The following SIGLEC9 variants were observed in gnomAD, a reference collection of about 807,000 sequenced individuals.
The protein encoded by SIGLEC9 is sialic acid binding Ig like lectin 9, also known as sialic acid-binding Ig-like lectin 9.
Under a neutral mutation model 38.3 loss-of-function variants are expected in SIGLEC9, and 26 were observed. The observed-to-expected ratio is 0.68, with a 90% CI of 0.50 to 0.94. SIGLEC9 has a LOEUF of 0.94. Ranked by LOEUF, SIGLEC9 falls within the 40% of genes least tolerant of loss-of-function variation. The pLI, the probability that SIGLEC9 is intolerant of heterozygous loss-of-function variation, is 0.00. For synonymous variants in SIGLEC9, 236 were observed against 248.0 expected (o/e 0.95, Z 0.45); for missense variants, 556 against 585.7 (o/e 0.95, Z 0.52).
At chr19:51,131,179 T>C (rs537257847), downstream of SIGLEC9, among the ~76,000 whole-genome samples, 1 of 152,328 alleles carries the variant, frequency 6.6e-6, no homozygotes, top group African/African-American at 2.4e-5. Flanking sequence ...CTTTATGCAG[T>C]AGCCCTGATA....
upstream of SIGLEC9, among the ~76,000 whole-genome samples, chr19:51,124,268 T>C (rs556478709): frequency 1.4e-4 from 22 of 152,208 alleles, no homozygotes; most frequent in African/African-American, 5.3e-4. Context: ...TATCAACACA[T>C]AGAATCCTCA....
chr19:51,125,868 C>T lies in SIGLEC9; in HGVS notation c.693C>T (p.Asn231=), dbSNP rs143035840. 1.9e-4 allele frequency: 313 copies of T among 1,614,116 alleles called. 1 individual carries two copies. The African/African-American group carries it at 3.5e-3, about 18-fold the overall frequency. ...CCACGAACAAGACCGTCCATCTCAA[C>T]GTGTCCTGTGAGTGCTGGGCCGGGA... ...SVTTNKTVHL[N]VSYPPQNLTM... The change falls in exon 2 of 7, where the codon AAC becomes AAT. Residue 231 remains asparagine, a synonymous_variant. Coordinates refer to ENST00000250360, the MANE Select transcript of SIGLEC9 (RefSeq NM_014441.3).
downstream of SIGLEC9, among the ~76,000 whole-genome samples, chr19:51,132,234 T>G (rs2092020092): frequency 6.6e-6 from 1 of 152,110 alleles, no homozygotes; most frequent in Non-Finnish European, 1.5e-5. Flanking sequence ...CCACCATGAG[T>G]GGAAGCTTCC....
chr19:51,125,763 G>A lies in SIGLEC9; in HGVS notation c.588G>A (p.Ser196=), dbSNP rs146360536. ...TGGACCCCTCCACCACCCGCTCCTC[G>A]GTGCTCACCCTCATCCCACAGCCCC... ...SPLDPSTTRS[S]VLTLIPQPQD... Residue 196 remains serine, a synonymous_variant, in exon 2 of 7, where the codon TCG becomes TCA. Coordinates refer to ENST00000250360, the MANE Select transcript of SIGLEC9 (RefSeq NM_014441.3). 1,532 of 1,613,980 alleles carry A rather than the reference G, an allele frequency of 9.5e-4. 4 individuals are homozygous for A. Among genetic ancestry groups the A allele is most frequent in the Middle Eastern group, 1.7e-3 (10 of 6,060 alleles).
At chr19:51,128,573 C>A (rs999881430) in intron 6 of SIGLEC9, 63 bp downstream of exon 6, 2 of 1,453,310 alleles carry the variant, frequency 1.4e-6, no homozygotes, top group South Asian at 2.3e-5. Context: ...GGATGACCCC[C>A]AGGACTAATC....
At chr19:51,126,245 C>A in intron 3 of SIGLEC9, 117 bp downstream of exon 3, 1 of 1,000,712 alleles carries the variant, frequency 1.0e-6, no homozygotes, top group Non-Finnish European at 1.6e-6. Context: ...TGTGGGTGAA[C>A]TCAGGGCCCC....
chr19:51,134,147 CTTTTTTTTTT>C (rs71185802), downstream of SIGLEC9, among the ~76,000 whole-genome samples: 1,495 of 66,550 alleles, frequency 0.022, 34 homozygotes, highest in African/African-American at 0.079. Context: ...TCTTTCTTTT[CTTTTTTTTTT>C]TTTTTTTTTT....
chr19:51,124,881 A>T, upstream of SIGLEC9: 2 of 1,490,960 alleles, frequency 1.3e-6, no homozygotes, highest in East Asian at 4.6e-5. Flanking sequence ...GTCTTCCTGT[A>T]GGGCCTCCTC....
At chr19:51,134,193 G>A (rs1382461862), downstream of SIGLEC9, among the ~76,000 whole-genome samples, 5 of 109,278 alleles carry the variant, frequency 4.6e-5, no homozygotes, top group Non-Finnish European at 6.7e-5. Flanking sequence ...GTCTAGCTCT[G>A]TTGCCGGGCT....
At chr19:51,134,382 C>T (rs527279625), downstream of SIGLEC9, among the ~76,000 whole-genome samples, 2 of 152,176 alleles carry the variant, frequency 1.3e-5, no homozygotes, top group Non-Finnish European at 2.9e-5. Context: ...TGGTCTTGAT[C>T]TCTTGACCCT....
Position 51,128,592 on chromosome 19 carries a change from G to A in SIGLEC9, c.1203+82G>A, listed in dbSNP as rs574459008. 374 of 1,217,858 alleles carry A rather than the reference G, an allele frequency of 3.1e-4. 3 individuals carry two copies. The South Asian group carries it at 4.5e-3, about 14-fold the overall frequency. 75.4% of individuals were successfully genotyped at this position (1,217,858 alleles called of 1,614,324 possible). Reference sequence around the variant, plus strand: ...GACCCCCAGGACTAATCAGCTGGGCGTAGCCAAAGTTACCTCCTCTCTGTT... The same window carrying A: ...GACCCCCAGGACTAATCAGCTGGGCATAGCCAAAGTTACCTCCTCTCTGTT... On this transcript the variant is annotated intron_variant, in intron 6 of 6. Transcript: ENST00000250360.
At chr19:51,133,809 AG>A (rs1267145353), downstream of SIGLEC9, among the ~76,000 whole-genome samples, 2 of 152,188 alleles carry the variant, frequency 1.3e-5, no homozygotes, top group African/African-American at 4.8e-5. Flanking sequence ...TCCTACATTT[AG>A]TGAGAAAATA....
chr19:51,127,004 C>T (rs2091982703), intron 3 of SIGLEC9, 26 bp from the exon 4 acceptor site: 1 of 1,608,494 alleles, frequency 6.2e-7, no homozygotes, highest in Admixed American at 1.7e-5. Context: ...ATGTATCTCT[C>T]TGACCCTCTG....
Position 51,130,124 on chromosome 19 carries a change from A to T in SIGLEC9, c.*45A>T. On this transcript the variant is annotated 3_prime_UTR_variant, in exon 7 of 7. Transcript: ENST00000250360. ...CTGATTGAGGGATCACAGCCCCTCC[A>T]GGCAAGGGAGAAGTCAGAGGCTGAT... 1.3e-6 allele frequency: 2 copies of T among 1,550,282 alleles called. No homozygotes were observed. The highest frequency in any genetic ancestry group is 1.7e-6 in the Non-Finnish European group (2 of 1,147,660).
At chr19:51,126,911 G>A in intron 3 of SIGLEC9, 119 bp from the exon 4 acceptor site, 6 of 825,720 alleles carry the variant, frequency 7.3e-6, no homozygotes, top group Non-Finnish European at 7.6e-6. Flanking sequence ...GTGAAAGTGT[G>A]TGTTTCCAGA....
At chr19:51,121,970 C>G (rs1419887569), upstream of SIGLEC9, among the ~76,000 whole-genome samples, 1 of 151,948 alleles carries the variant, frequency 6.6e-6, no homozygotes, top group Non-Finnish European at 1.5e-5. Flanking sequence ...AGCACAAGCC[C>G]AGAAAGACCT....
downstream of SIGLEC9, among the ~76,000 whole-genome samples, chr19:51,134,786 G>T (rs116993226): frequency 5.8e-3 from 885 of 152,188 alleles, 3 homozygotes; most frequent in Middle Eastern, 0.01. Flanking sequence ...GGGTTGACTT[G>T]CTCTTGTTTT....
Position 51,125,079 on chromosome 19 carries a change from G to T in SIGLEC9, c.105G>T (p.Leu35=). ...GTTCCGTGACGGTGCAGGAAGGCCTGTGTGTCCATGTGCCCTGCTCCTTCT... is the reference window on the plus strand; with the variant it reads ...GTTCCGTGACGGTGCAGGAAGGCCTTTGTGTCCATGTGCCCTGCTCCTTCT... ...MQSSVTVQEG[L]CVHVPCSFSY... is the part of the protein sequence containing the mutation. The change falls in exon 1 of 7, where the codon CTG becomes CTT. Residue 35 remains leucine (L), a synonymous_variant. Coordinates refer to ENST00000250360, the MANE Select transcript of SIGLEC9 (RefSeq NM_014441.3). 1 of 1,614,126 alleles carries T rather than the reference G, an allele frequency of 6.2e-7. No individual in the cohort carries two copies.
chr19:51,125,518 C>T, intron 1 of SIGLEC9, 79 bp from the exon 2 acceptor site: 1 of 1,574,908 alleles, frequency 6.3e-7, no homozygotes, highest in Non-Finnish European at 8.6e-7. Context: ...AGGGCAGGAG[C>T]TGGACCAGAG....
Sources: allele counts gnomAD v4.1 joint callset (sites outside exome capture counted in the v4.1 genomes callset), GRCh38; gene constraint gnomAD v4.1.1; transcripts MANE v1.5; gene names NCBI Gene and HGNC (gene_info 2026-07-23, HGNC 2026-07-21).